Variants in DLG4 observed in about 807,000 individuals in gnomAD.
DLG4 encodes disks large homolog 4.
Under a neutral mutation model 93.8 loss-of-function variants are expected in DLG4, and 7 were observed. That is an observed-to-expected ratio of 0.07 (90% CI 0.04 to 0.14). The LOEUF (loss-of-function observed/expected upper bound fraction) is 0.14. Among genes scored for constraint, DLG4 ranks in the 10% least tolerant of loss-of-function variants. The pLI is 1.00. For missense variants in DLG4, 545 were observed against 992.9 expected (o/e 0.55, Z 6.06); for synonymous variants, 341 against 387.6 (o/e 0.88, Z 1.41).
upstream of DLG4, chr17:7,218,595 A>G: frequency 2.6e-6 from 4 of 1,566,712 alleles, no homozygotes; most frequent in Non-Finnish European, 3.5e-6. Flanking sequence ...GGGGGTGCCC[A>G]CCGCAGCAGT....
intron 1 of DLG4, among the ~76,000 whole-genome samples, chr17:7,214,477 C>A (rs1449346689): frequency 1.3e-5 from 2 of 152,316 alleles, no homozygotes; most frequent in Non-Finnish European, 2.9e-5. Flanking sequence ...CCCACACTGT[C>A]CCTCCGCCAC....
rs1378359583 is a variant in DLG4, at chr17:7,193,396, G to A, written c.1693+87C>T. 6 of 1,312,304 alleles carry A rather than the reference G, an allele frequency of 4.6e-6. No individual in the cohort carries two copies. Among genetic ancestry groups the A allele is most frequent in the Non-Finnish European group, 6.2e-6 (6 of 969,872 alleles). 81.3% of individuals were successfully genotyped at this position (1,312,304 alleles called of 1,614,324 possible). A position where few individuals can be genotyped will look rare whatever the true frequency, so the allele number is the denominator to read the frequency against. ...ATCTCCCTACACACCGATCCCCCAG[G>A]AGGCTCTGCCTATGGCCCCAGGGAT... On this transcript the variant is annotated intron_variant, in intron 16 of 19. Transcript: ENST00000399506. The surrounding 1 kb of genome is among the most constrained non-coding windows in gnomAD (Gnocchi z 6.7).
At position 7,193,969 on chromosome 17, in the gene DLG4, C is replaced by A. The variant is rs774990966; in HGVS notation, c.1510G>T (p.Ala504Ser). The A allele has an allele frequency of 6.2e-7, 1 of 1,613,832 alleles. No homozygotes were observed. The highest frequency in any genetic ancestry group is 2.2e-5 in the East Asian group (1 of 44,874). The change falls in exon 13 of 20, where the codon GCC (alanine) becomes TCC (serine). Residue 504 changes from alanine to serine, a missense_variant. Coordinates refer to ENST00000399506, the MANE Select transcript of DLG4 (RefSeq NM_001321075.3). This position sits in a 1 kb window ranked among gnomAD's most constrained non-coding sequence, Gnocchi z 6.7. ...TCACACCCTCCTCCACCTACCTTGG[C>A]CTTTAACCTTGACCACTCTCGTCGC... The part of the protein sequence containing the change: ...VERREWSRLK[A>S]KDWGSSSGSQ...
Position 7,194,259 on chromosome 17 carries a change from G to A in DLG4, c.1478+60C>T, listed in dbSNP as rs1185438706. On this transcript the variant is annotated intron_variant, in intron 12 of 19. Transcript: ENST00000399506. The surrounding 1 kb of genome is among the most constrained non-coding windows in gnomAD (Gnocchi z 4.4). ...CCATCCCCTGTTGGCTGCCCACCCC[G>A]GGGGACCTTGGGAACTTCAGTGCCT... The A allele has an allele frequency of 1.0e-5, 16 of 1,549,164 alleles. No individual in the cohort carries two copies. The highest frequency in any genetic ancestry group is 4.1e-5 in the African/African-American group (3 of 73,240).
chr17:7,190,521 G>T lies in DLG4; in HGVS notation c.*187C>A, dbSNP rs2069432927. 2 of 591,706 alleles carry T rather than the reference G, an allele frequency of 3.4e-6. No homozygotes were observed. Among genetic ancestry groups the T allele is most frequent in the Non-Finnish European group, 6.1e-6 (2 of 329,974 alleles). 36.7% of individuals were successfully genotyped at this position (591,706 alleles called of 1,614,324 possible). A position where few individuals can be genotyped will look rare whatever the true frequency, so the allele number is the denominator to read the frequency against. ...CAGGTTCCTGGCGTTCAGGAGCCCA[G>T]TTCTGGGGTGCGGGGATACATGCAG... is the stretch of plus-strand genomic sequence containing the variant. On this transcript the variant is annotated 3_prime_UTR_variant, in exon 20 of 20. Coordinates refer to ENST00000399506, the MANE Select transcript of DLG4 (RefSeq NM_001321075.3).
Position 7,196,719 on chromosome 17 carries a change from G to T in DLG4, c.1083+38C>A. Reference sequence around the variant, plus strand: ...AAGAGCTCTGCGCTCTGCCCTGTGGGGAGGGGGTGGTGCAGGTAGGGGCAG... The same window carrying T: ...AAGAGCTCTGCGCTCTGCCCTGTGGTGAGGGGGTGGTGCAGGTAGGGGCAG... On this transcript the variant is annotated intron_variant, in intron 9 of 19. Transcript: ENST00000399506. The surrounding 1 kb of genome is among the most constrained non-coding windows in gnomAD (Gnocchi z 8.3). 1 of 1,585,046 alleles carries T rather than the reference G, an allele frequency of 6.3e-7. No homozygotes were observed. The highest frequency in any genetic ancestry group is 2.3e-5 in the East Asian group (1 of 43,326).
chr17:7,192,514 G>A, intron 17 of DLG4: 1 of 208,722 alleles, frequency 4.8e-6, no homozygotes, highest in Non-Finnish European at 9.6e-6. Context: ...AGGGTGAGGA[G>A]CAGCGGGGAA....
At chr17:7,218,762 A>T (rs1370186715), upstream of DLG4, 1 of 1,595,244 alleles carries the variant, frequency 6.3e-7, no homozygotes, top group Non-Finnish European at 8.6e-7. Context: ...TTTGGGGAGA[A>T]GGATCTCCGA....
chr17:7,204,520 G>A (rs2070353693), intron 2 of DLG4: 2 of 431,146 alleles, frequency 4.6e-6, no homozygotes, highest in East Asian at 7.4e-5. Flanking sequence ...GGAAGGAGGT[G>A]TAGGAGAAGC....
At position 7,207,632 on chromosome 17, in the gene DLG4, G is replaced by A. The variant is rs577327702; in HGVS notation, c.96+542C>T. 8.4e-4 allele frequency among the ~76,000 whole-genome samples: 128 copies of A among 152,098 alleles called. 1 individual carries two copies. The South Asian group carries it at 0.024, about 29-fold the overall frequency. Reference sequence around the variant, plus strand: ...TGGAAATGGAGGTTGGGGGTGTGAAGGAATGAAGAGGTCCCAGGCGTGGGG... The same window carrying A: ...TGGAAATGGAGGTTGGGGGTGTGAAAGAATGAAGAGGTCCCAGGCGTGGGG... On this transcript the variant is annotated intron_variant, in intron 2 of 19. Coordinates refer to ENST00000399506, the MANE Select transcript of DLG4 (RefSeq NM_001321075.3).
Position 7,196,189 on chromosome 17 carries a change from G to C in DLG4, c.1301+31C>G. ...ACAGAGTGCCCAGGAACGCAGAGGG[G>C]CTGAGGAGTCCAGCCCGGGAAGCCT... On this transcript the variant is annotated intron_variant, in intron 11 of 19. Coordinates refer to ENST00000399506, the MANE Select transcript of DLG4 (RefSeq NM_001321075.3). The surrounding 1 kb of genome is among the most constrained non-coding windows in gnomAD (Gnocchi z 8.3). 6.4e-7 allele frequency: 1 copy of C among 1,558,330 alleles called. No individual in the cohort carries two copies. The highest frequency in any genetic ancestry group is 8.8e-7 in the Non-Finnish European group (1 of 1,134,220).
rs1434992971 is a variant in DLG4, at chr17:7,188,920, T to A, written c.*1788A>T. Among the ~76,000 whole-genome samples, 1 of 152,058 alleles carries A rather than the reference T, an allele frequency of 6.6e-6. No homozygotes were observed. The highest frequency in any genetic ancestry group is 1.5e-5 in the Non-Finnish European group (1 of 68,006). On this transcript the variant is annotated 3_prime_UTR_variant, in exon 20 of 20. Transcript: ENST00000399506. ...TGAGGTCAGGAGTTCGAGACCAGCC[T>A]GGCCAACAAAGCAAAACCCCATCTC...
rs1441972644 is a variant in DLG4 at position 7,204,084 on chromosome 17, C to A, written c.151-17G>T. On this transcript the variant is annotated splice_polypyrimidine_tract_variant and intron_variant, in intron 3 of 19. Transcript: ENST00000399506. Reference sequence around the variant, plus strand: ...CTGCAACTCCAGCACGGGACAGAAACACAAAAGCAGTGAGACAGACATTCC... The same window carrying A: ...CTGCAACTCCAGCACGGGACAGAAAAACAAAAGCAGTGAGACAGACATTCC... 63 of 1,606,192 alleles carry A rather than the reference C, an allele frequency of 3.9e-5. No homozygotes were observed. The highest frequency in any genetic ancestry group is 5.4e-5 in the Non-Finnish European group (63 of 1,176,400).
chr17:7,209,377 G>C (rs982494378), intron 1 of DLG4, among the ~76,000 whole-genome samples: 1 of 152,150 alleles, frequency 6.6e-6, no homozygotes, highest in African/African-American at 2.4e-5. Context: ...CCTCTGGAAC[G>C]GGCCTCCACA....
chr17:7,193,366 C>T lies in DLG4; in HGVS notation c.1693+117G>A. 4.4e-6 allele frequency: 5 copies of T among 1,125,424 alleles called. No individual in the cohort carries two copies. The highest frequency in any genetic ancestry group is 6.2e-6 in the Non-Finnish European group (5 of 807,194). The allele number at this position is 1,125,424 out of a possible 1,614,324, so 69.7% of individuals were successfully genotyped here. ...GAGAAGCACCCCTTCTCGGAGAAACCCTGTATCTCCCTACACACCGATCCC... is the reference window on the plus strand; with the variant it reads ...GAGAAGCACCCCTTCTCGGAGAAACTCTGTATCTCCCTACACACCGATCCC... On this transcript the variant is annotated intron_variant, in intron 16 of 19. Coordinates refer to ENST00000399506, the MANE Select transcript of DLG4 (RefSeq NM_001321075.3). The surrounding 1 kb of genome is among the most constrained non-coding windows in gnomAD (Gnocchi z 6.7).
chr17:7,199,251 G>GATTT (rs2069984371), intron 8 of DLG4, among the ~76,000 whole-genome samples: 1 of 151,748 alleles, frequency 6.6e-6, no homozygotes. Flanking sequence ...CCAGGCTGGT[G>GATTT]TGCAGTGGTG....
chr17:7,198,299 A>T (rs919037322), intron 8 of DLG4, among the ~76,000 whole-genome samples: 2 of 151,898 alleles, frequency 1.3e-5, no homozygotes, highest in Non-Finnish European at 2.9e-5. Flanking sequence ...CCTGGCTAAC[A>T]TGGTGAAATC....
intron 2 of DLG4, among the ~76,000 whole-genome samples, chr17:7,207,165 G>C (rs1359613150): frequency 6.6e-6 from 1 of 152,024 alleles, no homozygotes; most frequent in African/African-American, 2.4e-5. Flanking sequence ...GAGGATGAGA[G>C]AGGGGAGGAG....
At chr17:7,210,290 C>CA (rs2070657123) in intron 1 of DLG4, among the ~76,000 whole-genome samples, 2 of 152,162 alleles carry the variant, frequency 1.3e-5, no homozygotes, top group Admixed American at 6.5e-5. Context: ...GTGGTCCTGT[C>CA]AGCACGAAAA....
Sources: gnomAD v4.1 joint callset for allele counts (sites outside exome capture counted in the v4.1 genomes callset) on GRCh38, gnomAD v4.1.1 for gene constraint, Gnocchi (gnomAD v3.1) non-coding constraint, MANE v1.5 for transcripts, NCBI Gene and HGNC (gene_info 2026-07-23, HGNC 2026-07-21) for gene names.